The following PTPN12 variants were observed in gnomAD, a reference collection of about 807,000 sequenced individuals.
PTPN12 encodes tyrosine-protein phosphatase non-receptor type 12.
PTPN12 carries 29 observed loss-of-function variants against 97.6 expected under a neutral mutation model. The observed-to-expected ratio is 0.30, with a 90% CI of 0.22 to 0.41. PTPN12 has a LOEUF of 0.41. PTPN12 is among the 10% of genes least tolerant of loss of function. PTPN12 has a pLI of 1.00. For missense variants in PTPN12, 819 were observed against 926.0 expected (o/e 0.88, Z 1.50); for synonymous variants, 327 against 300.4 (o/e 1.09, Z -0.91).
chr7:77,601,537 A>G (rs944425020), intron 8 of PTPN12, among the ~76,000 whole-genome samples: 6 of 152,086 alleles, frequency 3.9e-5, no homozygotes, highest in African/African-American at 1.4e-4. Context: ...TGTAAGATGT[A>G]CATACGTAGG....
chr7:77,549,279 T>C (rs116225343), intron 1 of PTPN12, among the ~76,000 whole-genome samples: 443 of 152,276 alleles, frequency 2.9e-3, no homozygotes, highest in African/African-American at 9.9e-3. Flanking sequence ...AAAAATTTAC[T>C]ATTTTAAGGT....
chr7:77,538,174 C>A (rs1806757131), intron 1 of PTPN12: 2 of 875,010 alleles, frequency 2.3e-6, no homozygotes, highest in African/African-American at 3.6e-5. Context: ...GGACTTAGGC[C>A]GTTTCTGGGG....
At chr7:77,570,308 T>C (rs1440727502) in intron 1 of PTPN12, among the ~76,000 whole-genome samples, 1 of 152,260 alleles carries the variant, frequency 6.6e-6, no homozygotes, top group Non-Finnish European at 1.5e-5. Context: ...TCATTTTATT[T>C]GTATTTAATA....
chr7:77,635,733 A>G, intron 14 of PTPN12, 49 bp from the exon 15 acceptor site: 1 of 1,261,314 alleles, frequency 7.9e-7, no homozygotes, highest in East Asian at 2.5e-5. Context: ...ATGCAAAGAA[A>G]TTTCAGAAAT....
chr7:77,577,847 G>T (rs1340554137), intron 2 of PTPN12, among the ~76,000 whole-genome samples: 1 of 152,156 alleles, frequency 6.6e-6, no homozygotes, highest in East Asian at 1.9e-4. Context: ...ACTACAAGAT[G>T]TAGTACTCCA....
chr7:77,613,167 G>GTTTTTTTTTTTTTT (rs576216122), intron 11 of PTPN12, among the ~76,000 whole-genome samples: 4 of 88,536 alleles, frequency 4.5e-5, no homozygotes, highest in Non-Finnish European at 4.0e-5. Context: ...TAATTTTTGG[G>GTTTTTTTTTTTTTT]TTTTTTTTTT....
Position 77,627,224 on chromosome 7 carries a change from G to A in PTPN12, c.1545G>A (p.Gln515=), listed in dbSNP as rs924530316. The A allele has an allele frequency of 1.9e-6, 3 of 1,614,064 alleles. No individual in the cohort carries two copies. Among genetic ancestry groups the A allele is most frequent in the Non-Finnish European group, 2.5e-6 (3 of 1,179,998 alleles). ...CAGTTACTCCACCAGAAGAATCCCAGAATTCAGACACACCTCCAAGGCCAG... is the reference window on the plus strand; with the variant it reads ...CAGTTACTCCACCAGAAGAATCCCAAAATTCAGACACACCTCCAAGGCCAG... ...KVSVTPPEES[Q]NSDTPPRPDR... Residue 515 remains glutamine, a synonymous_variant, in exon 13 of 18, where the codon CAG becomes CAA. Transcript: ENST00000248594.
intron 2 of PTPN12, among the ~76,000 whole-genome samples, chr7:77,572,098 C>CTTTTTTTTTTTTTTGTT (rs1787161876): frequency 7.5e-6 from 1 of 133,330 alleles, no homozygotes; most frequent in Non-Finnish European, 1.6e-5. Flanking sequence ...TTCTTGGTGA[C>CTTTTTTTTTTTTTTGTT]TTTTTTTTTT....
chr7:77,545,642 T>A (rs1191186624), intron 1 of PTPN12: 2 of 151,406 alleles, frequency 1.3e-5, no homozygotes, highest in African/African-American at 2.4e-5. Flanking sequence ...TAAAAAAAAA[T>A]ACTTCACCTG....
intron 9 of PTPN12, among the ~76,000 whole-genome samples, chr7:77,610,392 TC>T (rs1171380993): frequency 1.3e-5 from 2 of 152,194 alleles, no homozygotes; most frequent in African/African-American, 4.8e-5. Context: ...ACTTCTCAAT[TC>T]CCCACATAGA....
chr7:77,635,035 G>T, intron 14 of PTPN12, among the ~76,000 whole-genome samples: 1 of 151,986 alleles, frequency 6.6e-6, no homozygotes, highest in Middle Eastern at 3.2e-3. Context: ...ATTAGAGATA[G>T]GGTCTCACCA....
At position 77,592,164 on chromosome 7, in the gene PTPN12, A is replaced by T. The variant is rs1562734156; in HGVS notation, c.421-21A>T. Reference sequence around the variant, plus strand: ...AAAAACTTACATGAATTACTTACTAATTTTTTTTTTTGGATGACAGAAAAA... The same window carrying T: ...AAAAACTTACATGAATTACTTACTATTTTTTTTTTTTGGATGACAGAAAAA... On this transcript the variant is annotated intron_variant, in intron 5 of 17. Transcript: ENST00000248594. 21 of 1,309,956 alleles carry T rather than the reference A, an allele frequency of 1.6e-5. No homozygotes were observed. The highest frequency in any genetic ancestry group is 2.9e-5 in the South Asian group (2 of 69,794). The allele number at this position is 1,309,956 out of a possible 1,614,324, so 81.1% of individuals were successfully genotyped here. A position where few individuals can be genotyped will look rare whatever the true frequency, so the allele number is the denominator to read the frequency against.
At chr7:77,577,154 C>T (rs1235863888) in intron 2 of PTPN12, among the ~76,000 whole-genome samples, 1 of 152,162 alleles carries the variant, frequency 6.6e-6, no homozygotes, top group Non-Finnish European at 1.5e-5. Flanking sequence ...AGCCTTGTTG[C>T]TCACCGCTTC....
At chr7:77,622,915 G>A (rs904141402) in intron 12 of PTPN12, among the ~76,000 whole-genome samples, 4 of 146,614 alleles carry the variant, frequency 2.7e-5, no homozygotes, top group African/African-American at 9.8e-5. Context: ...TAAAGAAAAA[G>A]TAGGAGAGAA....
chr7:77,607,394 T>TAAAA, intron 9 of PTPN12, 93 bp downstream of exon 9: 5 of 903,640 alleles, frequency 5.5e-6, no homozygotes, highest in South Asian at 1.6e-5. Flanking sequence ...GTATATTTTA[T>TAAAA]TATACATGTT....
intron 8 of PTPN12, among the ~76,000 whole-genome samples, chr7:77,605,422 T>G (rs1445964456): frequency 1.5e-5 from 2 of 132,582 alleles, no homozygotes; most frequent in Admixed American, 7.7e-5. Context: ...TTTTTTTTTT[T>G]TTTTTTTTTT....
At chr7:77,563,607 G>C (rs994624327) in intron 1 of PTPN12, among the ~76,000 whole-genome samples, 1 of 152,182 alleles carries the variant, frequency 6.6e-6, no homozygotes, top group Non-Finnish European at 1.5e-5. Flanking sequence ...ATTTTGACAT[G>C]AGCAAAGCAC....
At chr7:77,545,567 C>G (rs1397575644) in intron 1 of PTPN12, among the ~76,000 whole-genome samples, 3 of 151,480 alleles carry the variant, frequency 2.0e-5, no homozygotes, top group Non-Finnish European at 4.4e-5. Flanking sequence ...AGATTTGATT[C>G]CCTGATTTTT....
At chr7:77,589,048 A>G (rs1046799524) in intron 5 of PTPN12, among the ~76,000 whole-genome samples, 4 of 151,840 alleles carry the variant, frequency 2.6e-5, no homozygotes, top group African/African-American at 9.7e-5. Context: ...TCATTTTTGT[A>G]TTTTTAGTAG....
Sources: gnomAD v4.1 joint callset for allele counts (sites outside exome capture counted in the v4.1 genomes callset) on GRCh38, gnomAD v4.1.1 for gene constraint, MANE v1.5 for transcripts, NCBI Gene and HGNC (gene_info 2026-07-23, HGNC 2026-07-21) for gene names.